Variants in GRM7 observed in about 807,000 individuals in gnomAD.
GRM7 encodes metabotropic glutamate receptor 7.
In GRM7, 35 loss-of-function variants were observed where a neutral mutation model predicts 84.5. That is an observed-to-expected ratio of 0.41 (90% CI 0.32 to 0.55). The LOEUF is 0.55. Ranked by LOEUF, GRM7 falls within the 20% of genes least tolerant of loss-of-function variation. GRM7 has a pLI of 0.19. For synonymous variants in GRM7, 487 were observed against 455.1 expected (o/e 1.07, Z -0.89); for missense variants, 1,003 against 1,194.6 (o/e 0.84, Z 2.36).
At chr3:7,552,439 G>T (rs1693523272) in intron 7 of GRM7, among the ~76,000 whole-genome samples, 1 of 152,220 alleles carries the variant, frequency 6.6e-6, no homozygotes, top group Non-Finnish European at 1.5e-5. Context: ...CCACAATGGG[G>T]ACTCTGTGTG....
chr3:6,927,704 G>T (rs1378450461), intron 1 of GRM7, among the ~76,000 whole-genome samples: 1 of 151,888 alleles, frequency 6.6e-6, no homozygotes, highest in African/African-American at 2.4e-5. Flanking sequence ...ATAATGTTAA[G>T]ATATGCTGTT....
chr3:7,485,174 A>C (rs2124942459), intron 7 of GRM7, among the ~76,000 whole-genome samples: 1 of 152,314 alleles, frequency 6.6e-6, no homozygotes, highest in African/African-American at 2.4e-5. Flanking sequence ...AACCCAACTA[A>C]AATGTGTCCA....
At chr3:7,480,513 C>T (rs78887776) in intron 7 of GRM7, among the ~76,000 whole-genome samples, 6,549 of 152,198 alleles carry the variant, frequency 0.043, 496 homozygotes, top group African/African-American at 0.15. Flanking sequence ...CTGGCATCGG[C>T]CCCATAATAT....
chr3:7,736,938 G>T (rs1160636120), intron 9 of GRM7, among the ~76,000 whole-genome samples: 1 of 152,042 alleles, frequency 6.6e-6, no homozygotes, highest in Non-Finnish European at 1.5e-5. Flanking sequence ...AAAATATAAA[G>T]AAATTAAATA....
intron 7 of GRM7, among the ~76,000 whole-genome samples, chr3:7,481,516 A>G (rs561432975): frequency 2.6e-5 from 4 of 152,330 alleles, no homozygotes; most frequent in Non-Finnish European, 4.4e-5. Flanking sequence ...TTGTTAAATA[A>G]TGACTATTAG....
At chr3:6,925,321 A>T (rs566285331) in intron 1 of GRM7, among the ~76,000 whole-genome samples, 1 of 152,210 alleles carries the variant, frequency 6.6e-6, no homozygotes, top group Non-Finnish European at 1.5e-5. Flanking sequence ...GAATGAATGC[A>T]TGAATTAATG....
intron 7 of GRM7, among the ~76,000 whole-genome samples, chr3:7,561,965 C>T (rs1313880967): frequency 1.3e-5 from 2 of 152,116 alleles, no homozygotes; most frequent in Non-Finnish European, 2.9e-5. Context: ...TACCAGAAAG[C>T]CTCTTACCCA....
chr3:7,614,242 G>T (rs1696977641), intron 8 of GRM7, among the ~76,000 whole-genome samples: 3 of 152,226 alleles, frequency 2.0e-5, no homozygotes, highest in African/African-American at 7.2e-5. Flanking sequence ...TGCAGCTTTG[G>T]TGACAGAGTG....
rs111315960 is a variant in GRM7 at position 7,341,202 on chromosome 3, T to C, written c.1033+34550T>C. Among the ~76,000 whole-genome samples, 528 of 152,250 alleles carry C rather than the reference T, an allele frequency of 3.5e-3. 2 individuals carry two copies. The highest frequency in any genetic ancestry group is 5.0e-3 in the Non-Finnish European group (342 of 68,006). ...CAAAGGTCACAGTCAACTGATGCTGTGGAAAAGAATACTTCTCAAATTTCA... is the reference window on the plus strand; with the variant it reads ...CAAAGGTCACAGTCAACTGATGCTGCGGAAAAGAATACTTCTCAAATTTCA... On this transcript the variant is annotated intron_variant, in intron 4 of 9. Coordinates refer to ENST00000357716, the MANE Select transcript of GRM7 (RefSeq NM_000844.4).
intron 2 of GRM7, among the ~76,000 whole-genome samples, chr3:7,268,706 G>A (rs548699357): frequency 1.2e-4 from 19 of 152,244 alleles, no homozygotes; most frequent in South Asian, 4.1e-4. Context: ...CAGATTTCCC[G>A]TCCTAATAGG....
chr3:7,668,789 G>C (rs1446519827), intron 8 of GRM7, among the ~76,000 whole-genome samples: 1 of 152,204 alleles, frequency 6.6e-6, no homozygotes, highest in Admixed American at 6.5e-5. Flanking sequence ...ATTTTGCATG[G>C]ATTTCTCAAA....
At chr3:7,462,747 C>T (rs1193309709) in intron 7 of GRM7, among the ~76,000 whole-genome samples, 1 of 152,142 alleles carries the variant, frequency 6.6e-6, no homozygotes, top group African/African-American at 2.4e-5. Flanking sequence ...CCTAGATCTG[C>T]TTGCACCTGT....
At chr3:7,358,720 T>TGTGCCAC in intron 4 of GRM7, among the ~76,000 whole-genome samples, 1 of 125,144 alleles carries the variant, frequency 8.0e-6, no homozygotes, top group Non-Finnish European at 1.7e-5. Context: ...GGGATAAGCT[T>TGTGCCAC]CTCTTTTGAA....
chr3:7,551,615 A>G (rs1199572164), intron 7 of GRM7, among the ~76,000 whole-genome samples: 1 of 150,142 alleles, frequency 6.7e-6, no homozygotes, highest in Non-Finnish European at 1.5e-5. Flanking sequence ...AAAATTATAT[A>G]TATTTTTATA....
In GRM7 at chr3:7,148,996, T is replaced by C. The variant is rs115965510; in HGVS notation, c.736+2328T>C. Among the ~76,000 whole-genome samples the C allele has an allele frequency of 4.3e-3, 652 of 152,252 alleles. 5 individuals are homozygous for C. The highest frequency in any genetic ancestry group is 0.015 in the African/African-American group (623 of 41,552). ...ATTTATAATAAGTATTTAATAAGTA[T>C]TCTTCTTTTATACATATTATAGTAT... On this transcript the variant is annotated intron_variant, in intron 2 of 9. Coordinates refer to ENST00000357716, the MANE Select transcript of GRM7 (RefSeq NM_000844.4).
chr3:7,356,886 G>A (rs1191931657), intron 4 of GRM7, among the ~76,000 whole-genome samples: 1 of 143,190 alleles, frequency 7.0e-6, no homozygotes, highest in East Asian at 2.2e-4. Flanking sequence ...CCTCCAGCTT[G>A]TAGACAGCCT....
intron 2 of GRM7, among the ~76,000 whole-genome samples, chr3:7,289,448 G>T (rs1324208288): frequency 1.3e-5 from 2 of 152,148 alleles, no homozygotes; most frequent in Non-Finnish European, 2.9e-5. Context: ...AAAACAGTGT[G>T]GTGATTCCTC....
intron 1 of GRM7, among the ~76,000 whole-genome samples, chr3:7,125,805 A>G (rs1045544462): frequency 6.6e-6 from 1 of 152,118 alleles, no homozygotes; most frequent in Non-Finnish European, 1.5e-5. Flanking sequence ...TTTTGTTCAC[A>G]TTTTCTGATG....
intron 1 of GRM7, among the ~76,000 whole-genome samples, chr3:6,994,623 A>G (rs961754031): frequency 2.2e-4 from 34 of 152,196 alleles, no homozygotes; most frequent in African/African-American, 7.2e-4. Flanking sequence ...TTTATTCTGG[A>G]CATGGTGATT....
Sources: gnomAD v4.1 joint callset for allele counts (sites outside exome capture counted in the v4.1 genomes callset) on GRCh38, gnomAD v4.1.1 for gene constraint, MANE v1.5 for transcripts, NCBI Gene and HGNC (gene_info 2026-07-23, HGNC 2026-07-21) for gene names.